PDZD2: variants seen among roughly 807,000 people sequenced by gnomAD.
The protein encoded by PDZD2 is PDZ domain-containing protein 2.
In PDZD2, 90 loss-of-function variants were observed where a neutral mutation model predicts 220.7. The ratio of observed to expected loss-of-function variants is 0.41; its 90% CI spans 0.34 to 0.49. PDZD2 has a LOEUF of 0.49. PDZD2 is among the 20% of genes least tolerant of loss of function. The pLI, the probability that PDZD2 is intolerant of heterozygous loss-of-function variation, is 0.28. For synonymous variants in PDZD2, 1,375 were observed against 1,450.5 expected, an observed-to-expected ratio of 0.95 and a Z score of 1.18; for missense variants, 3,174 against 3,608.5, an observed-to-expected ratio of 0.88 and a Z score of 3.08.
chr5:32,014,350 G>A (rs1753562371), intron 6 of PDZD2, among the ~76,000 whole-genome samples: 1 of 152,150 alleles, frequency 6.6e-6, no homozygotes, highest in African/African-American at 2.4e-5. Context: ...ACAATAAAGA[G>A]CAATGAGATT....
At chr5:31,921,003 C>G (rs1320826399) in intron 2 of PDZD2, among the ~76,000 whole-genome samples, 1 of 152,174 alleles carries the variant, frequency 6.6e-6, no homozygotes, top group East Asian at 1.9e-4. Context: ...CGCGGTTTAT[C>G]TAGTCACTTA....
At chr5:31,889,943 A>G (rs1056901848) in intron 2 of PDZD2, among the ~76,000 whole-genome samples, 1 of 151,450 alleles carries the variant, frequency 6.6e-6, no homozygotes, top group Admixed American at 6.6e-5. Flanking sequence ...AATTGCTTGA[A>G]CCCGGGGGGG....
At chr5:31,870,888 CAAAAA>C (rs71614289) in intron 2 of PDZD2, among the ~76,000 whole-genome samples, 2 of 64,480 alleles carry the variant, frequency 3.1e-5, no homozygotes, top group African/African-American at 5.0e-5. Context: ...GACTCTGTCT[CAAAAA>C]AAAAAAAAAA....
rs182915686 is a variant in PDZD2 at position 31,822,938 on chromosome 5, G to C, written c.476+23214G>C. The C allele has an allele frequency of 4.1e-4, 412 of 996,670 alleles. 2 individuals are homozygous for C. In the Middle Eastern group the frequency reaches 5.2e-3, roughly 13 times the overall value. 61.7% of individuals were successfully genotyped at this position (996,670 alleles called of 1,614,324 possible). ...CTACAAATAGTCTGAACGGTGGCCA[G>C]CTCCTTTCTGTTACCCCACCATTTG... On this transcript the variant is annotated intron_variant, in intron 2 of 24. Transcript: ENST00000438447.
At position 32,088,361 on chromosome 5, in the gene PDZD2, C is replaced by T. The variant is rs780518343; in HGVS notation, c.4913C>T (p.Pro1638Leu). 85 of 1,613,932 alleles carry T rather than the reference C, an allele frequency of 5.3e-5. No individual in the cohort carries two copies. The highest frequency in any genetic ancestry group is 6.7e-5 in the East Asian group (3 of 44,880). The change falls in exon 20 of 25, where the codon CCG (proline) becomes CTG (leucine). Residue 1638 changes from proline (P) to leucine (L), a missense_variant. Transcript: ENST00000438447. This position sits in a 1 kb window ranked among gnomAD's most constrained non-coding sequence, Gnocchi z 4.6. ...AKVLSLKYST[P>L]RESVASPREK... Reference sequence around the variant, plus strand: ...GTTCTGTCATTAAAATACAGCACTCCGAGAGAGTCGGTGGCCAGTCCCCGT... The same window carrying T: ...GTTCTGTCATTAAAATACAGCACTCTGAGAGAGTCGGTGGCCAGTCCCCGT...
intron 1 of PDZD2, among the ~76,000 whole-genome samples, chr5:31,704,535 G>T (rs1561394031): frequency 6.6e-6 from 1 of 152,216 alleles, no homozygotes; most frequent in African/African-American, 2.4e-5. Flanking sequence ...ACACGCCACA[G>T]TTGACTTAAC....
chr5:31,646,485 T>C lies in PDZD2; in HGVS notation c.-361+7048T>C, dbSNP rs552781270. On this transcript the variant is annotated intron_variant, in intron 1 of 24. Coordinates refer to ENST00000438447, the MANE Select transcript of PDZD2 (RefSeq NM_178140.4). The surrounding 1 kb of genome is among the most constrained non-coding windows in gnomAD (Gnocchi z 4.7). ...TCTCTCCAAGAGCACGAAGGTTTCT[T>C]TTTCTTTTTCTGTTTAATAAAGCAA... Among the ~76,000 whole-genome samples, 8 of 152,280 alleles carry C rather than the reference T, an allele frequency of 5.3e-5. No homozygotes were observed. In the East Asian group the frequency reaches 1.5e-3, roughly 29 times the overall value.
At chr5:32,070,176 A>C (rs542698397) in intron 15 of PDZD2, among the ~76,000 whole-genome samples, 21 of 152,322 alleles carry the variant, frequency 1.4e-4, no homozygotes, top group Non-Finnish European at 2.9e-4. Flanking sequence ...CTTAAAAATA[A>C]AGTTTCCTTT....
chr5:31,689,355 T>TATATATATATATATATATATA (rs1208262874), intron 1 of PDZD2, among the ~76,000 whole-genome samples: 1 of 20,862 alleles, frequency 4.8e-5, no homozygotes, highest in African/African-American at 3.5e-4. Context: ...ATATATATAT[T>TATATATATATATATATATATA]TTTTTTTTTT....
In PDZD2 at chr5:31,856,129, GT is replaced by G. The variant is rs538172751; in HGVS notation, c.476+56409del. Among the ~76,000 whole-genome samples the G allele has an allele frequency of 7.2e-5, 11 of 152,300 alleles. No homozygotes were observed. The South Asian group carries it at 8.3e-4, about 12-fold the overall frequency. ...TTTTCAGAGTTTGCACTCTTACACT[GT>G]TTTGTAACTCTCAATTCAACTTTGC... is the stretch of plus-strand genomic sequence containing the variant. On this transcript the variant is annotated intron_variant, in intron 2 of 24. Coordinates refer to ENST00000438447, the MANE Select transcript of PDZD2 (RefSeq NM_178140.4).
At chr5:32,039,814 C>A (rs974112245) in intron 7 of PDZD2, among the ~76,000 whole-genome samples, 2 of 150,048 alleles carry the variant, frequency 1.3e-5, no homozygotes, top group Non-Finnish European at 3.0e-5. Context: ...ATGTGAGGAG[C>A]GCCTCTGCCT....
At chr5:32,012,538 C>T (rs760861100) in intron 6 of PDZD2, among the ~76,000 whole-genome samples, 20 of 151,976 alleles carry the variant, frequency 1.3e-4, no homozygotes, top group Non-Finnish European at 1.8e-4. Context: ...CGCACGCCAC[C>T]GCGCTTGGCT....
rs143548819 is a variant in PDZD2 at position 31,855,984 on chromosome 5, G to C, written c.476+56260G>C. 2.6e-5 allele frequency among the ~76,000 whole-genome samples: 4 copies of C among 152,310 alleles called. No homozygotes were observed. The East Asian group carries it at 5.8e-4, about 22-fold the overall frequency. On this transcript the variant is annotated intron_variant, in intron 2 of 24. Coordinates refer to ENST00000438447, the MANE Select transcript of PDZD2 (RefSeq NM_178140.4). Reference sequence around the variant, plus strand: ...ACCATGTCTGGGAGAAAAAGACTGTGAATGTAAACAGTAAACAAATGCTTT... The same window carrying C: ...ACCATGTCTGGGAGAAAAAGACTGTCAATGTAAACAGTAAACAAATGCTTT...
chr5:32,090,978 C>G lies in PDZD2; in HGVS notation c.7530C>G (p.Phe2510Leu). 1 of 1,613,958 alleles carries G rather than the reference C, an allele frequency of 6.2e-7. No individual in the cohort carries two copies. Among genetic ancestry groups the G allele is most frequent in the Non-Finnish European group, 8.5e-7 (1 of 1,179,996 alleles). ...CAGCAGGGCCGAGCGCCGTGCTCTT[C>G]AAAACTGAGCTGGAGATCACCCCCA... is the stretch of plus-strand genomic sequence containing the variant. Reference protein sequence around the residue: ...DYSAGPSAVLFKTELEITPRR... With the variant: ...DYSAGPSAVLLKTELEITPRR... The change falls in exon 20 of 25, where the codon TTC becomes TTG. Residue 2510 changes from phenylalanine (F) to leucine (L), a missense_variant. Phe to Leu is a conservative substitution (Grantham distance 22, BLOSUM62 0). Around this residue, in one of 4 missense-constraint regions of PDZD2, gnomAD observed 631 missense variants for 789.9 expected, o/e 0.80. Transcript: ENST00000438447. This position sits in a 1 kb window ranked among gnomAD's most constrained non-coding sequence, Gnocchi z 4.3.
At chr5:31,844,620 A>G (rs1373800375) in intron 2 of PDZD2, among the ~76,000 whole-genome samples, 7 of 152,178 alleles carry the variant, frequency 4.6e-5, no homozygotes, top group African/African-American at 1.7e-4. Context: ...TTCATCTGTG[A>G]TTCAAATTTA....
chr5:32,024,703 A>AAAAAAAAAGAAAG (rs1561378496), intron 6 of PDZD2, among the ~76,000 whole-genome samples: 4 of 140,234 alleles, frequency 2.9e-5, no homozygotes, highest in Non-Finnish European at 3.1e-5. Flanking sequence ...AGAAAGAAAA[A>AAAAAAAAAGAAAG]AAAGAAAAGG....
At chr5:31,938,785 CCT>C (rs1745976200) in intron 2 of PDZD2, among the ~76,000 whole-genome samples, 1 of 152,196 alleles carries the variant, frequency 6.6e-6, no homozygotes, top group Non-Finnish European at 1.5e-5. Context: ...TCCAACCTTA[CCT>C]CTGAACATGC....
chr5:32,077,631 A>G (rs1000239365), intron 19 of PDZD2, 25 bp downstream of exon 19: 2 of 1,611,686 alleles, frequency 1.2e-6, no homozygotes, highest in African/African-American at 2.7e-5. Flanking sequence ...CCATTTGTTA[A>G]TCTTAAAGTA....
intron 1 of PDZD2, among the ~76,000 whole-genome samples, chr5:31,773,484 CAA>C (rs56843716): frequency 9.0e-5 from 10 of 111,426 alleles, no homozygotes; most frequent in Non-Finnish European, 1.0e-4. Flanking sequence ...ACTAAAAATA[CAA>C]AAAAAAAAAA....
Sources: allele counts gnomAD v4.1 joint callset (sites outside exome capture counted in the v4.1 genomes callset), GRCh38; gene constraint gnomAD v4.1.1; regional missense constraint gnomAD v4.1.1; non-coding constraint Gnocchi (gnomAD v3.1); transcripts MANE v1.5; gene names NCBI Gene and HGNC (gene_info 2026-07-23, HGNC 2026-07-21).